Variants in NIM1K observed in about 807,000 individuals in gnomAD.
NIM1K encodes NIM1 serine/threonine protein kinase.
A neutral mutation model predicts 37.1 loss-of-function variants in NIM1K; 35 were observed. That is an observed-to-expected ratio of 0.94 (90% confidence interval 0.72 to 1.25). The LOEUF is 1.25. Ranked by LOEUF, NIM1K falls within the 50% of genes most tolerant of loss-of-function variation. NIM1K has a pLI of 0.00. For missense variants in NIM1K, 564 were observed against 548.0 expected, an observed-to-expected ratio of 1.03 and a Z score of -0.29; for synonymous variants, 234 against 206.6, an observed-to-expected ratio of 1.13 and a Z score of -1.14.
At chr5:43,233,604 T>C (rs1282636725) in intron 1 of NIM1K, among the ~76,000 whole-genome samples, 3 of 152,220 alleles carry the variant, frequency 2.0e-5, no homozygotes, top group Non-Finnish European at 4.4e-5. Flanking sequence ...TTTGCTCAAA[T>C]AGAAAACGAG....
chr5:43,218,645 G>A (rs192437312), intron 1 of NIM1K, among the ~76,000 whole-genome samples: 76 of 152,224 alleles, frequency 5.0e-4, no homozygotes, highest in Admixed American at 1.8e-3. Context: ...CAATTCATGA[G>A]GGATCCTTCC....
intron 1 of NIM1K, among the ~76,000 whole-genome samples, chr5:43,217,870 A>C (rs4866730): frequency 0.98 from 148,710 of 152,138 alleles, 72,767 homozygotes; most frequent in Middle Eastern, 1. Context: ...TGCCACCATG[A>C]CTGGCTAATT....
At chr5:43,198,356 C>G (rs1401193425) in intron 1 of NIM1K, among the ~76,000 whole-genome samples, 1 of 149,260 alleles carries the variant, frequency 6.7e-6, no homozygotes. Context: ...TTCTTTCTGT[C>G]TTGCTCTCTC....
chr5:43,263,272 T>G (rs1387159445), intron 2 of NIM1K, among the ~76,000 whole-genome samples: 1 of 152,238 alleles, frequency 6.6e-6, no homozygotes, highest in Non-Finnish European at 1.5e-5. Flanking sequence ...TATTAATTAT[T>G]GCCTCAATTT....
At chr5:43,251,099 T>C (rs987931410) in intron 2 of NIM1K, among the ~76,000 whole-genome samples, 2 of 152,186 alleles carry the variant, frequency 1.3e-5, no homozygotes, top group Non-Finnish European at 2.9e-5. Flanking sequence ...GTAGCTGCCA[T>C]TGCTATAACT....
intron 2 of NIM1K, among the ~76,000 whole-genome samples, chr5:43,271,802 G>T (rs751985361): frequency 6.6e-6 from 1 of 151,992 alleles, no homozygotes; most frequent in Non-Finnish European, 1.5e-5. Context: ...CCTTCAAGTG[G>T]CTCTTCTGTA....
intron 1 of NIM1K, among the ~76,000 whole-genome samples, chr5:43,199,361 A>G (rs184944924): frequency 1.0e-3 from 159 of 151,914 alleles, no homozygotes; most frequent in African/African-American, 3.6e-3. Flanking sequence ...GCCTGCAGTT[A>G]ACTAAAGAAT....
intron 1 of NIM1K, among the ~76,000 whole-genome samples, chr5:43,197,830 C>T (rs6859969): frequency 0.98 from 149,902 of 152,328 alleles, 73,815 homozygotes; most frequent in Middle Eastern, 1. Context: ...TATATTTAGA[C>T]GATCTGTTTA....
intron 2 of NIM1K, among the ~76,000 whole-genome samples, chr5:43,271,127 G>GT (rs1753250639): frequency 6.6e-6 from 1 of 151,428 alleles, no homozygotes; most frequent in African/African-American, 2.4e-5. Context: ...AAGTTTGTGG[G>GT]TTTTTAATTT....
intron 2 of NIM1K, among the ~76,000 whole-genome samples, chr5:43,263,558 A>T (rs1753070879): frequency 6.6e-6 from 1 of 151,860 alleles, no homozygotes; most frequent in African/African-American, 2.4e-5. Context: ...TTCAAAAAAA[A>T]AACAGCTCTT....
chr5:43,248,401 T>C (rs993813243), intron 2 of NIM1K, among the ~76,000 whole-genome samples: 5 of 152,036 alleles, frequency 3.3e-5, no homozygotes, highest in Non-Finnish European at 5.9e-5. Flanking sequence ...GTTAACCATA[T>C]AGTGATGAGA....
intron 1 of NIM1K, among the ~76,000 whole-genome samples, chr5:43,196,386 T>C: frequency 6.6e-6 from 1 of 151,946 alleles, no homozygotes; most frequent in Non-Finnish European, 1.5e-5. Flanking sequence ...CCCAGCACTT[T>C]GGGAGGCCGA....
chr5:43,280,163 G>T lies in NIM1K; in HGVS notation c.745G>T (p.Gly249Cys). 6.2e-7 allele frequency: 1 copy of T among 1,614,126 alleles called. No individual in the cohort carries two copies. The highest frequency in any genetic ancestry group is 1.1e-5 in the South Asian group (1 of 91,076). ...PELFRDEHYI[G>C]IYVDIWALGV... is the part of the protein sequence containing the mutation. ...ACTCTTCCGGGACGAGCACTACATC[G>T]GCATTTACGTGGATATCTGGGCCTT... is the stretch of plus-strand genomic sequence containing the variant. Residue 249 changes from glycine to cysteine, a missense_variant, in exon 4 of 4, where the codon GGC (glycine) becomes TGC (cysteine). Physicochemically the swap from Gly to Cys is radical, Grantham distance 159. Coordinates refer to ENST00000326035, the MANE Select transcript of NIM1K (RefSeq NM_153361.4).
chr5:43,234,312 ACGC>A (rs1561081871), intron 1 of NIM1K, among the ~76,000 whole-genome samples: 2 of 152,082 alleles, frequency 1.3e-5, no homozygotes, highest in African/African-American at 4.8e-5. Context: ...CTGTTGTAAA[ACGC>A]CTAGCATCTT....
intron 1 of NIM1K, chr5:43,232,088 T>C: frequency 9.7e-7 from 1 of 1,029,152 alleles, no homozygotes; most frequent in East Asian, 3.4e-5. Flanking sequence ...GTCACCACAG[T>C]GGGAGGGCTG....
At chr5:43,276,953 A>T in intron 2 of NIM1K, 104 bp from the exon 3 acceptor site, 1 of 1,148,980 alleles carries the variant, frequency 8.7e-7, no homozygotes, top group East Asian at 2.4e-5. Flanking sequence ...GCTTGGGAAC[A>T]GCCACTCTCT....
chr5:43,270,913 C>T lies in NIM1K; in HGVS notation c.293-6144C>T, dbSNP rs552216544. Among the ~76,000 whole-genome samples, 34 of 152,312 alleles carry T rather than the reference C, an allele frequency of 2.2e-4. No homozygotes were observed. The South Asian group carries it at 6.6e-3, about 30-fold the overall frequency. On this transcript the variant is annotated intron_variant, in intron 2 of 3. Coordinates refer to ENST00000326035, the MANE Select transcript of NIM1K (RefSeq NM_153361.4). Reference sequence around the variant, plus strand: ...TTGACCTTTTCCTCAACCCCTAACACCCAAACACCAAGTGGTATTGATTTC... The same window carrying T: ...TTGACCTTTTCCTCAACCCCTAACATCCAAACACCAAGTGGTATTGATTTC...
rs1367308848 is a variant in NIM1K at position 43,263,264 on chromosome 5, T to C, written c.293-13793T>C. ...TGAACTTTTTTTGGTTGGTAGGCTA[T>C]TAATTATTGCCTCAATTTCAGAACC... is the stretch of plus-strand genomic sequence containing the variant. On this transcript the variant is annotated intron_variant, in intron 2 of 3. Coordinates refer to ENST00000326035, the MANE Select transcript of NIM1K (RefSeq NM_153361.4). Among the ~76,000 whole-genome samples the C allele has an allele frequency of 2.7e-5, 4 of 150,746 alleles. No individual in the cohort carries two copies. The East Asian group carries it at 7.7e-4, about 29-fold the overall frequency.
intron 1 of NIM1K, among the ~76,000 whole-genome samples, chr5:43,194,618 AC>A (rs1159745904): frequency 6.6e-6 from 1 of 152,218 alleles, no homozygotes; most frequent in Admixed American, 6.5e-5. Flanking sequence ...AAGCAGTGGT[AC>A]CATTTCAAAT....
Sources: allele counts gnomAD v4.1 joint callset (sites outside exome capture counted in the v4.1 genomes callset), GRCh38; gene constraint gnomAD v4.1.1; transcripts MANE v1.5; gene names NCBI Gene and HGNC (gene_info 2026-07-23, HGNC 2026-07-21).